ANKRD44: variants seen among roughly 807,000 people sequenced by gnomAD.
The protein encoded by ANKRD44 is serine/threonine-protein phosphatase 6 regulatory ankyrin repeat subunit B.
Under a neutral mutation model 116.0 loss-of-function variants are expected in ANKRD44, and 35 were observed. The observed-to-expected ratio is 0.30, with a 90% CI of 0.23 to 0.40. The LOEUF is 0.40. Ranked by LOEUF, ANKRD44 falls within the 10% of genes least tolerant of loss-of-function variation. The pLI is 1.00. For synonymous variants in ANKRD44, 435 were observed against 461.8 expected (o/e 0.94, Z 0.74); for missense variants, 1,014 against 1,242.6 (o/e 0.82, Z 2.77).
chr2:197,015,981 G>A (rs930074571), intron 17 of ANKRD44: 1 of 541,954 alleles, frequency 1.8e-6, no homozygotes, highest in Non-Finnish European at 3.6e-6. Context: ...GGGTCTGGTG[G>A]TGGAAGTGGT....
chr2:197,121,212 T>C (rs1559080117), intron 8 of ANKRD44, 120 bp downstream of exon 8: 1 of 992,568 alleles, frequency 1.0e-6, no homozygotes, highest in Non-Finnish European at 1.5e-6. Flanking sequence ...AGCCTCCAAA[T>C]CCAGGACAAG....
chr2:197,231,594 G>A (rs1336740200), intron 1 of ANKRD44, among the ~76,000 whole-genome samples: 1 of 151,890 alleles, frequency 6.6e-6, no homozygotes, highest in East Asian at 1.9e-4. Flanking sequence ...ACTTAGCAAT[G>A]TCTAAAGATA....
chr2:197,211,962 C>G (rs914450318), intron 1 of ANKRD44, among the ~76,000 whole-genome samples: 3 of 152,030 alleles, frequency 2.0e-5, no homozygotes, highest in African/African-American at 7.2e-5. Context: ...GACCAACACT[C>G]CGGTGATGAA....
chr2:197,042,357 C>A (rs1324414907), intron 16 of ANKRD44, among the ~76,000 whole-genome samples: 2 of 152,156 alleles, frequency 1.3e-5, no homozygotes, highest in African/African-American at 4.8e-5. Flanking sequence ...TGTCCTTTGG[C>A]TATTATTGAA....
At chr2:197,185,577 T>C (rs1028580549) in intron 2 of ANKRD44, among the ~76,000 whole-genome samples, 1 of 152,220 alleles carries the variant, frequency 6.6e-6, no homozygotes, top group East Asian at 1.9e-4. Context: ...CTGTACATAA[T>C]TGCTTGTTCA....
intron 1 of ANKRD44, among the ~76,000 whole-genome samples, chr2:197,227,483 G>A (rs941092670): frequency 8.5e-5 from 13 of 152,080 alleles, no homozygotes; most frequent in East Asian, 5.8e-4. Context: ...TGGTAAACAC[G>A]ACTGAAGGTG....
At chr2:197,151,805 G>C (rs576126478) in intron 2 of ANKRD44, among the ~76,000 whole-genome samples, 1 of 152,196 alleles carries the variant, frequency 6.6e-6, no homozygotes, top group Non-Finnish European at 1.5e-5. Context: ...CAATAGCAGG[G>C]AAGTGGCAAA....
Position 197,074,791 on chromosome 2 carries a change from T to C in ANKRD44, c.1650+3912A>G, listed in dbSNP as rs78867727. On this transcript the variant is annotated intron_variant, in intron 16 of 27. Transcript: ENST00000282272. ...CACTGCACCTGGCCATAAGTCTGTC[T>C]TATACAGACACATATAGTTATTCAG... 3.4e-3 allele frequency among the ~76,000 whole-genome samples: 512 copies of C among 152,316 alleles called. 1 individual carries two copies. Among genetic ancestry groups the C allele is most frequent in the Non-Finnish European group, 5.4e-3 (364 of 68,024 alleles).
intron 16 of ANKRD44, among the ~76,000 whole-genome samples, chr2:197,042,716 AT>A (rs1313475743): frequency 1.3e-5 from 2 of 152,142 alleles, no homozygotes; most frequent in Admixed American, 6.6e-5. Flanking sequence ...TTATTTATTT[AT>A]TTTTTAGTTT....
intron 8 of ANKRD44, among the ~76,000 whole-genome samples, chr2:197,115,182 GA>G (rs2078678911): frequency 6.6e-6 from 1 of 152,204 alleles, no homozygotes; most frequent in Non-Finnish European, 1.5e-5. Context: ...AAATGTCAGT[GA>G]ACAGGAGGTA....
At chr2:197,275,115 C>CT (rs1392697841) in intron 1 of ANKRD44, among the ~76,000 whole-genome samples, 139 of 147,346 alleles carry the variant, frequency 9.4e-4, no homozygotes, top group African/African-American at 2.2e-3. Flanking sequence ...TCTCTTTTCT[C>CT]TTTTTTTTTT....
At chr2:197,232,638 C>G (rs951634539) in intron 1 of ANKRD44, among the ~76,000 whole-genome samples, 1 of 152,168 alleles carries the variant, frequency 6.6e-6, no homozygotes. Flanking sequence ...TGGGAGATGA[C>G]TGTCAGCTAC....
chr2:197,048,567 A>G (rs551683070), intron 16 of ANKRD44, among the ~76,000 whole-genome samples: 1 of 152,090 alleles, frequency 6.6e-6, no homozygotes, highest in East Asian at 1.9e-4. Context: ...TATGTGCCAC[A>G]TTTTCTTAAT....
chr2:197,270,494 C>A (rs185414658), intron 1 of ANKRD44, among the ~76,000 whole-genome samples: 1 of 151,940 alleles, frequency 6.6e-6, no homozygotes, highest in African/African-American at 2.4e-5. Flanking sequence ...CAGCTTTGGA[C>A]GGGGATGGAA....
intron 1 of ANKRD44, among the ~76,000 whole-genome samples, chr2:197,219,215 A>G (rs367847089): frequency 3.6e-4 from 54 of 151,958 alleles, no homozygotes; most frequent in African/African-American, 1.1e-3. Flanking sequence ...GACTACAGGC[A>G]TATGCCACCA....
rs545822693 is a variant in ANKRD44 at position 197,138,773 on chromosome 2, C to T, written c.191-2111G>A. Among the ~76,000 whole-genome samples the T allele has an allele frequency of 2.6e-5, 4 of 152,168 alleles. No individual in the cohort carries two copies. The East Asian group carries it at 7.7e-4, about 29-fold the overall frequency. ...TTATTTTGGGGCTGTTTCTTTGGCA[C>T]CCATGTCACAAACATCACTCAGACC... On this transcript the variant is annotated intron_variant, in intron 3 of 27. Transcript: ENST00000282272.
Position 197,001,771 on chromosome 2 carries a change from GTAAAGGGATTACCGA to G in ANKRD44, c.2402_2416del (p.Ile801_Phe805del). On this transcript the variant is annotated inframe_deletion, in exon 22 of 28. Coordinates refer to ENST00000282272, the MANE Select transcript of ANKRD44 (RefSeq NM_001195144.2). The stretch of plus-strand genomic sequence containing the variant: ...TACTTACATTGCACAGTGCAGTGGA[GTAAAGGGATTACCGA>G]TAAATTTGCGAAAACATTTTTGCTC... 1 of 1,612,900 alleles carries G rather than the reference GTAAAGGGATTACCGA, an allele frequency of 6.2e-7. No individual in the cohort carries two copies. The highest frequency in any genetic ancestry group is 8.5e-7 in the Non-Finnish European group (1 of 1,178,968).
At chr2:197,040,057 T>C (rs1456649962) in intron 16 of ANKRD44, among the ~76,000 whole-genome samples, 2 of 151,930 alleles carry the variant, frequency 1.3e-5, no homozygotes, top group Non-Finnish European at 1.5e-5. Flanking sequence ...TGAAACCCCA[T>C]CTCTACTAAA....
chr2:197,237,543 C>T (rs748430373), intron 1 of ANKRD44, among the ~76,000 whole-genome samples: 2 of 152,160 alleles, frequency 1.3e-5, no homozygotes, highest in Non-Finnish European at 2.9e-5. Context: ...CTAGAAGATT[C>T]GGAGTGTGTG....
Sources: allele counts gnomAD v4.1 joint callset (sites outside exome capture counted in the v4.1 genomes callset), GRCh38; gene constraint gnomAD v4.1.1; transcripts MANE v1.5; gene names NCBI Gene and HGNC (gene_info 2026-07-23, HGNC 2026-07-21).